PIK3C2A: variants seen among roughly 807,000 people sequenced by gnomAD.
PIK3C2A encodes the protein phosphatidylinositol 4-phosphate 3-kinase C2 domain-containing subunit alpha.
PIK3C2A carries 97 observed loss-of-function variants against 204.5 expected under a neutral mutation model. That is an observed-to-expected ratio of 0.47 (90% CI 0.40 to 0.56). PIK3C2A has a LOEUF of 0.56. PIK3C2A is among the 20% of genes least tolerant of loss of function. The pLI is 0.00. For missense variants in PIK3C2A, 1,735 were observed against 1,969.2 expected (o/e 0.88, Z 2.25); for synonymous variants, 653 against 664.4 (o/e 0.98, Z 0.26).
intron 22 of PIK3C2A, among the ~76,000 whole-genome samples, chr11:17,106,024 C>T (rs1848803358): frequency 6.6e-6 from 1 of 151,466 alleles, no homozygotes; most frequent in African/African-American, 2.4e-5. Context: ...CAGGAGAATC[C>T]CTTGAACCCA....
intron 1 of PIK3C2A, among the ~76,000 whole-genome samples, chr11:17,198,802 A>AAAAC (rs1424511639): frequency 1.0e-4 from 10 of 99,706 alleles, no homozygotes; most frequent in African/African-American, 3.6e-4. Flanking sequence ...GACCTCATAA[A>AAAAC]AAACAAAACA....
chr11:17,149,630 G>T (rs2075985325), intron 4 of PIK3C2A, among the ~76,000 whole-genome samples: 1 of 151,912 alleles, frequency 6.6e-6, no homozygotes, highest in African/African-American at 2.4e-5. Context: ...TTGAGATGGG[G>T]TCTAACTCTG....
At chr11:17,172,094 T>C (rs986698829) in intron 1 of PIK3C2A, among the ~76,000 whole-genome samples, 1 of 152,274 alleles carries the variant, frequency 6.6e-6, no homozygotes, top group African/African-American at 2.4e-5. Flanking sequence ...AAAGGCTGGA[T>C]AGTAGGGAAT....
At chr11:17,157,731 C>T (rs867950015) in intron 2 of PIK3C2A, among the ~76,000 whole-genome samples, 2 of 152,154 alleles carry the variant, frequency 1.3e-5, no homozygotes, top group African/African-American at 4.8e-5. Flanking sequence ...TGAACTAATG[C>T]TACTTCCCCA....
intron 21 of PIK3C2A, among the ~76,000 whole-genome samples, chr11:17,112,179 C>T (rs141151205): frequency 1.2e-3 from 183 of 152,056 alleles, no homozygotes; most frequent in African/African-American, 4.1e-3. Flanking sequence ...TGGCTGGGCG[C>T]GATGGCTCAC....
At chr11:17,156,011 C>T (rs544552237) in intron 2 of PIK3C2A, among the ~76,000 whole-genome samples, 9 of 152,234 alleles carry the variant, frequency 5.9e-5, no homozygotes, top group South Asian at 4.1e-4. Context: ...TTCTAATCAG[C>T]CAGAAATTCT....
chr11:17,189,959 AATT>A (rs148926168), intron 1 of PIK3C2A, among the ~76,000 whole-genome samples: 13,702 of 152,014 alleles, frequency 0.09, 1,642 homozygotes, highest in African/African-American at 0.28. Flanking sequence ...CAAATGTTGG[AATT>A]ATTATTAAAT....
intron 13 of PIK3C2A, among the ~76,000 whole-genome samples, chr11:17,128,585 G>A (rs1415164290): frequency 6.6e-6 from 1 of 152,138 alleles, no homozygotes; most frequent in Non-Finnish European, 1.5e-5. Flanking sequence ...TCTCCAGAAT[G>A]CACCCATGTG....
intron 1 of PIK3C2A, among the ~76,000 whole-genome samples, chr11:17,179,235 C>T (rs1851448887): frequency 6.6e-6 from 1 of 152,144 alleles, no homozygotes; most frequent in South Asian, 2.1e-4. Context: ...GATCATAGCT[C>T]ACCGTAACCT....
At position 17,169,680 on chromosome 11, in the gene PIK3C2A, G is replaced by T; in HGVS notation, c.62C>A (p.Thr21Lys). Residue 21 changes from threonine to lysine, a missense_variant, in exon 2 of 33, where the codon ACA becomes AAA. Thr to Lys is a moderately conservative substitution (Grantham distance 78). This residue lies in a region of PIK3C2A where 536 missense variants were observed against 546.7 expected (regional missense o/e 0.98). Transcript: ENST00000691414. ...KECPSSHPEPTRAKDVDKEEA... is the reference protein window; with the variant it reads ...KECPSSHPEPKRAKDVDKEEA... ...TTCTTTGTCCACATCTTTTGCTCTT[G>T]TTGGTTCCGGATGTGAAGATGGACA... 6.2e-7 allele frequency: 1 copy of T among 1,611,234 alleles called. No homozygotes were observed. The highest frequency in any genetic ancestry group is 1.1e-5 in the South Asian group (1 of 91,008).
intron 13 of PIK3C2A, among the ~76,000 whole-genome samples, chr11:17,127,654 C>T (rs1849567017): frequency 6.6e-6 from 1 of 152,102 alleles, no homozygotes. Flanking sequence ...ATTTCAAGAA[C>T]AAATTTGTCA....
At chr11:17,151,569 C>T (rs1306297223) in intron 3 of PIK3C2A, among the ~76,000 whole-genome samples, 2 of 152,094 alleles carry the variant, frequency 1.3e-5, no homozygotes, top group Non-Finnish European at 2.9e-5. Flanking sequence ...AGCCAGGTTA[C>T]CTTAGATTGA....
At chr11:17,183,355 AT>A (rs1168960359) in intron 1 of PIK3C2A, among the ~76,000 whole-genome samples, 1 of 152,176 alleles carries the variant, frequency 6.6e-6, no homozygotes, top group East Asian at 1.9e-4. Flanking sequence ...ACTTATTGTT[AT>A]TCTCTTACTG....
chr11:17,184,787 A>C (rs1459507778), intron 1 of PIK3C2A, among the ~76,000 whole-genome samples: 3 of 152,074 alleles, frequency 2.0e-5, no homozygotes, highest in Non-Finnish European at 4.4e-5. Flanking sequence ...AAAAGTTTAA[A>C]AAATAATTAG....
intron 22 of PIK3C2A, among the ~76,000 whole-genome samples, chr11:17,107,495 A>AAT (rs1848863347): frequency 6.6e-6 from 1 of 152,212 alleles, no homozygotes; most frequent in Non-Finnish European, 1.5e-5. Context: ...TGCATATTAG[A>AAT]ATATACACAA....
intron 8 of PIK3C2A, chr11:17,137,867 G>A: frequency 3.1e-6 from 1 of 327,590 alleles, no homozygotes; most frequent in Non-Finnish European, 5.8e-6. Flanking sequence ...CACACAGAAA[G>A]GACCCTCCAA....
chr11:17,166,965 C>A (rs1850976246), intron 2 of PIK3C2A, among the ~76,000 whole-genome samples: 1 of 152,028 alleles, frequency 6.6e-6, no homozygotes, highest in Admixed American at 6.5e-5. Context: ...CCAGTGCCTT[C>A]CCCCCAACTG....
At chr11:17,113,364 T>C (rs1156987129) in intron 20 of PIK3C2A, among the ~76,000 whole-genome samples, 2 of 152,140 alleles carry the variant, frequency 1.3e-5, no homozygotes, top group Non-Finnish European at 2.9e-5. Flanking sequence ...CAACGTCTTG[T>C]GATATCCTTT....
At chr11:17,125,986 T>C (rs921971530) in intron 13 of PIK3C2A, among the ~76,000 whole-genome samples, 5 of 151,834 alleles carry the variant, frequency 3.3e-5, no homozygotes, top group African/African-American at 1.2e-4. Context: ...TAGCCAGGCA[T>C]GGTAGCACAC....
Sources: allele counts gnomAD v4.1 joint callset (sites outside exome capture counted in the v4.1 genomes callset), GRCh38; gene constraint gnomAD v4.1.1; regional missense constraint gnomAD v4.1.1; transcripts MANE v1.5; gene names NCBI Gene and HGNC (gene_info 2026-07-23, HGNC 2026-07-21).